MCU: variants seen among roughly 807,000 people sequenced by gnomAD.
MCU encodes mitochondrial calcium uniporter, also known as calcium uniporter protein, mitochondrial.
MCU carries 12 observed loss-of-function variants against 45.2 expected under a neutral mutation model. The observed-to-expected ratio is 0.27, with a 90% CI of 0.17 to 0.43. The LOEUF is 0.43. Ranked by LOEUF, MCU falls within the 20% of genes least tolerant of loss-of-function variation. The probability of loss-of-function intolerance (pLI) is 1.00; values close to 1 mark genes in which losing one functional copy is unlikely to be tolerated. For synonymous variants in MCU, 160 were observed against 165.1 expected, an observed-to-expected ratio of 0.97 and a Z score of 0.24; for missense variants, 324 against 436.7, an observed-to-expected ratio of 0.74 and a Z score of 2.30.
intron 6 of MCU, among the ~76,000 whole-genome samples, chr10:72,881,289 A>T (rs1386353039): frequency 6.6e-6 from 1 of 152,154 alleles, no homozygotes; most frequent in Non-Finnish European, 1.5e-5. Flanking sequence ...GTGATAGGTA[A>T]TGTATAGCTA....
intron 1 of MCU, among the ~76,000 whole-genome samples, chr10:72,751,628 T>G (rs1843500835): frequency 6.6e-6 from 1 of 151,864 alleles, no homozygotes; most frequent in Admixed American, 6.6e-5. Flanking sequence ...AGTGCTGGGA[T>G]TACGGGTGTG....
At chr10:72,706,509 A>G (rs963106853) in intron 1 of MCU, among the ~76,000 whole-genome samples, 6 of 151,282 alleles carry the variant, frequency 4.0e-5, no homozygotes, top group South Asian at 2.1e-4. Context: ...TTTGGTAACT[A>G]TGAAATTTTT....
At chr10:72,739,624 G>A (rs1470894439) in intron 1 of MCU, among the ~76,000 whole-genome samples, 1 of 152,004 alleles carries the variant, frequency 6.6e-6, no homozygotes, top group African/African-American at 2.4e-5. Context: ...CGCTTTAGGG[G>A]TATGTGATTA....
chr10:72,737,834 CT>C (rs1237197921), intron 1 of MCU, among the ~76,000 whole-genome samples: 1 of 152,022 alleles, frequency 6.6e-6, no homozygotes. Flanking sequence ...TCCCCTTTTT[CT>C]GTTTCTTACC....
chr10:72,784,438 T>C (rs867414819), intron 1 of MCU, among the ~76,000 whole-genome samples: 4 of 152,348 alleles, frequency 2.6e-5, no homozygotes, highest in Admixed American at 6.5e-5. Flanking sequence ...TGTGAGTAAT[T>C]TTCCCATTTT....
chr10:72,703,451 G>T (rs1820694858), intron 1 of MCU, among the ~76,000 whole-genome samples: 1 of 152,170 alleles, frequency 6.6e-6, no homozygotes, highest in Admixed American at 6.5e-5. Context: ...CTTAACCACT[G>T]TTTCTGTGGT....
chr10:72,798,398 TCTC>T lies in MCU; in HGVS notation c.151-35958_151-35956del, dbSNP rs544214463. Among the ~76,000 whole-genome samples, 31 of 152,148 alleles carry T rather than the reference TCTC, an allele frequency of 2.0e-4. No individual in the cohort carries two copies. In the South Asian group the frequency reaches 4.6e-3, roughly 22 times the overall value. ...CCTCTGCTTCCTGGGTTCAAGCAAT[TCTC>T]CTGCCGCAGCCTACCAGGTAGCTGG... On this transcript the variant is annotated intron_variant, in intron 1 of 7. Coordinates refer to ENST00000373053, the MANE Select transcript of MCU (RefSeq NM_138357.3).
intron 1 of MCU, among the ~76,000 whole-genome samples, chr10:72,697,023 A>G (rs538977741): frequency 2.6e-5 from 4 of 152,314 alleles, no homozygotes; most frequent in South Asian, 2.1e-4. Flanking sequence ...TATTACAAGT[A>G]TATGTTTGAA....
chr10:72,706,618 A>G (rs146269740), intron 1 of MCU, among the ~76,000 whole-genome samples: 3 of 151,222 alleles, frequency 2.0e-5, no homozygotes, highest in African/African-American at 4.9e-5. Context: ...GCTTACTGCA[A>G]CCTCCACTTC....
At chr10:72,813,869 A>C (rs985319011) in intron 1 of MCU, among the ~76,000 whole-genome samples, 6 of 152,150 alleles carry the variant, frequency 3.9e-5, no homozygotes, top group Admixed American at 1.3e-4. Flanking sequence ...ACTATACATA[A>C]ATTATAACCT....
At chr10:72,721,889 T>A (rs1389755984) in intron 1 of MCU, among the ~76,000 whole-genome samples, 2 of 152,204 alleles carry the variant, frequency 1.3e-5, no homozygotes, top group South Asian at 2.1e-4. Flanking sequence ...AACGAAAATA[T>A]CTGTGATACA....
chr10:72,862,273 A>G (rs1020980972), intron 4 of MCU, among the ~76,000 whole-genome samples: 6 of 151,588 alleles, frequency 4.0e-5, no homozygotes, highest in African/African-American at 1.5e-4. Context: ...GAGCCACCGC[A>G]CCCGGCCGAG....
At chr10:72,718,702 G>C (rs958382182) in intron 1 of MCU, among the ~76,000 whole-genome samples, 3 of 152,130 alleles carry the variant, frequency 2.0e-5, no homozygotes. Flanking sequence ...AATGTTCATG[G>C]CAGGACTGAT....
chr10:72,714,218 G>A (rs1842929160), intron 1 of MCU, among the ~76,000 whole-genome samples: 1 of 151,782 alleles, frequency 6.6e-6, no homozygotes, highest in Non-Finnish European at 1.5e-5. Context: ...GCCCACCGCG[G>A]CCTCCCAAAG....
At chr10:72,867,728 G>A (rs1319890869) in intron 4 of MCU, among the ~76,000 whole-genome samples, 2 of 151,814 alleles carry the variant, frequency 1.3e-5, no homozygotes, top group African/African-American at 2.4e-5. Context: ...GGTGGTGGGC[G>A]CCTGTAGTCC....
chr10:72,848,056 C>G (rs1251108391), intron 2 of MCU, among the ~76,000 whole-genome samples: 1 of 152,116 alleles, frequency 6.6e-6, no homozygotes, highest in Non-Finnish European at 1.5e-5. Context: ...GTTCTGCAGA[C>G]CAGCCCTGAT....
At chr10:72,866,361 G>A (rs79983508) in intron 4 of MCU, among the ~76,000 whole-genome samples, 1 of 152,262 alleles carries the variant, frequency 6.6e-6, no homozygotes, top group East Asian at 1.9e-4. Context: ...AGAAATAGAA[G>A]GCACTAGGTT....
intron 1 of MCU, among the ~76,000 whole-genome samples, chr10:72,739,882 T>G (rs1311186163): frequency 2.0e-5 from 3 of 151,718 alleles, no homozygotes; most frequent in Admixed American, 6.6e-5. Flanking sequence ...TCACCCTGTT[T>G]GCCAGCTGGT....
At chr10:72,701,009 A>G (rs1314945349) in intron 1 of MCU, among the ~76,000 whole-genome samples, 3 of 152,188 alleles carry the variant, frequency 2.0e-5, no homozygotes, top group African/African-American at 7.2e-5. Flanking sequence ...AGGTATCAAT[A>G]TCATTTAAAC....
Sources: gnomAD v4.1 joint callset for allele counts (sites outside exome capture counted in the v4.1 genomes callset) on GRCh38, gnomAD v4.1.1 for gene constraint, MANE v1.5 for transcripts, NCBI Gene and HGNC (gene_info 2026-07-23, HGNC 2026-07-21) for gene names.